The following PLK2 variants were observed in gnomAD, a reference collection of about 807,000 sequenced individuals.
The protein encoded by PLK2 is serine/threonine-protein kinase PLK2.
A neutral mutation model predicts 78.1 loss-of-function variants in PLK2; 25 were observed. The ratio of observed to expected loss-of-function variants is 0.32; its 90% CI spans 0.23 to 0.45. The LOEUF (loss-of-function observed/expected upper bound fraction) is 0.45, where lower values mean the gene tolerates loss of function less well. PLK2 is among the 20% of genes least tolerant of loss of function. PLK2 has a pLI of 1.00. For missense variants in PLK2, 566 were observed against 840.2 expected, an observed-to-expected ratio of 0.67 and a Z score of 4.04; for synonymous variants, 332 against 298.2, an observed-to-expected ratio of 1.11 and a Z score of -1.17.
At chr5:58,459,626 C>A (rs1393464444) in intron 1 of PLK2, 64 bp downstream of exon 1, 3 of 1,401,300 alleles carry the variant, frequency 2.1e-6, no homozygotes, top group East Asian at 2.5e-5. Flanking sequence ...CGGGCTTGCC[C>A]GGCTTGGGGT....
In PLK2 at chr5:58,455,523, T is replaced by G. The variant is rs182178257; in HGVS notation, c.1625+16A>C. ...GACTAGAGAACTGACAGGATTTCAT[T>G]AATTGATACACTTACTTTTTGTCTG... On this transcript the variant is annotated intron_variant, in intron 11 of 13. Coordinates refer to ENST00000274289, the MANE Select transcript of PLK2 (RefSeq NM_006622.4). 1 of 1,613,776 alleles carries G rather than the reference T, an allele frequency of 6.2e-7. No homozygotes were observed. Among genetic ancestry groups the G allele is most frequent in the East Asian group, 2.2e-5 (1 of 44,880 alleles).
chr5:58,458,381 T>C lies in PLK2; in HGVS notation c.625+18A>G. On this transcript the variant is annotated intron_variant, in intron 4 of 13. Transcript: ENST00000274289. Reference sequence around the variant, plus strand: ...AGAACTCTAACACAAAACTCAGCTTTTGGCGTCAATGACTTACCTAGTTTG... The same window carrying C: ...AGAACTCTAACACAAAACTCAGCTTCTGGCGTCAATGACTTACCTAGTTTG... The C allele has an allele frequency of 6.2e-7, 1 of 1,613,224 alleles. No homozygotes were observed. Among genetic ancestry groups the C allele is most frequent in the Non-Finnish European group, 8.5e-7 (1 of 1,179,194 alleles).
chr5:58,458,937 G>T, intron 2 of PLK2, 48 bp downstream of exon 2: 1 of 1,333,692 alleles, frequency 7.5e-7, no homozygotes, highest in Non-Finnish European at 1.1e-6. Flanking sequence ...ACAGGGAAGG[G>T]CCATCCTTGC....
In PLK2 at chr5:58,459,675, C is replaced by T; in HGVS notation, c.270+15G>A. 6.5e-7 allele frequency: 1 copy of T among 1,544,410 alleles called. No homozygotes were observed. The highest frequency in any genetic ancestry group is 1.2e-5 in the South Asian group (1 of 82,550). On this transcript the variant is annotated intron_variant, in intron 1 of 13. Transcript: ENST00000274289. ...CTCCCGCCCGCCCGGCAGCCCGGCG[C>T]CCTCCGCTTGTCACCTTTCCCAGCA...
chr5:58,458,748 G>A lies in PLK2; in HGVS notation c.472C>T (p.Leu158Phe), dbSNP rs751788063. The A allele has an allele frequency of 5.7e-6, 9 of 1,570,374 alleles. No homozygotes were observed. Among genetic ancestry groups the A allele is most frequent in the Non-Finnish European group, 7.9e-6 (9 of 1,140,292 alleles). Residue 158 changes from leucine to phenylalanine, a missense_variant, in exon 3 of 14, where the codon CTC becomes TTC. Leu to Phe is a conservative substitution (Grantham distance 22). Coordinates refer to ENST00000274289, the MANE Select transcript of PLK2 (RefSeq NM_006622.4). ...YFEDKENIYI[L>F]LEYCSRRSMA... ...ACCCTTCTACTGCAGTATTCCAAGA[G>A]AATGTAAATGTTTTCTTTGTCCTCG...
In PLK2 at chr5:58,455,749, G is replaced by C. The variant is rs1368029447; in HGVS notation, c.1415C>G (p.Ala472Gly). The change falls in exon 11 of 14, where the codon GCA (alanine) becomes GGA (glycine). Residue 472 changes from alanine to glycine, a missense_variant. Transcript: ENST00000274289. ...CCGAAGAACCCTTGCCACTGTGTCT[G>C]CAACACTTCCCATGGTACTGTCTTC... is the stretch of plus-strand genomic sequence containing the variant. ...CLEDSTMGSV[A>G]DTVARVLRGC... The C allele has an allele frequency of 6.2e-7, 1 of 1,613,736 alleles. No individual in the cohort carries two copies. The highest frequency in any genetic ancestry group is 8.5e-7 in the Non-Finnish European group (1 of 1,179,934).
Position 58,455,004 on chromosome 5 carries a change from A to G in PLK2, c.1773T>C (p.Ser591=). ...ENLMDGGDLP[S]VTDIRRPRLY... ...GCCGAGGTCTTCGAATATCAGTAAC[A>G]CTAGGCAGATCTCCACCCTGGAAGA... The change falls in exon 13 of 14, where the codon AGT becomes AGC. Residue 591 remains serine (S), a synonymous_variant. Coordinates refer to ENST00000274289, the MANE Select transcript of PLK2 (RefSeq NM_006622.4). 1.9e-6 allele frequency: 3 copies of G among 1,606,466 alleles called. No individual in the cohort carries two copies. Among genetic ancestry groups the G allele is most frequent in the Non-Finnish European group, 2.6e-6 (3 of 1,173,074 alleles).
At chr5:58,457,778 T>TA (rs973210484) in intron 5 of PLK2, 195 bp from the exon 6 acceptor site, 3 of 592,854 alleles carry the variant, frequency 5.1e-6, no homozygotes, top group Admixed American at 6.1e-5. Flanking sequence ...TGGTAATTTT[T>TA]AAAAATGCAC....
In PLK2 at chr5:58,455,792, A is replaced by C; in HGVS notation, c.1385-13T>G. ...CTGTCTTCAAGGCCTGAAAAGTCAG[A>C]CAGAAATGTTTCAAGTTATACAATA... is the stretch of plus-strand genomic sequence containing the variant. On this transcript the variant is annotated splice_polypyrimidine_tract_variant and intron_variant, in intron 10 of 13. Transcript: ENST00000274289. 6.2e-7 allele frequency: 1 copy of C among 1,611,362 alleles called. No homozygotes were observed. Among genetic ancestry groups the C allele is most frequent in the Non-Finnish European group, 8.5e-7 (1 of 1,179,814 alleles).
chr5:58,456,459 CGTGA>C (rs772001656), intron 9 of PLK2, 29 bp downstream of exon 9: 5 of 1,198,426 alleles, frequency 4.2e-6, no homozygotes, highest in Non-Finnish European at 6.2e-6. Flanking sequence ...TAACGTAAAG[CGTGA>C]GTATCTACTT....
chr5:58,458,094 G>T lies in PLK2; in HGVS notation c.703C>A (p.His235Asn). ...CTTTCTGACTCTTACCTCCTTCTGT[G>T]TTCCAAGGGTTCTAGCCTGGCTGCC... ...GLAARLEPLE[H>N]RRRTICGTPN... Residue 235 changes from histidine (H) to asparagine (N), a missense_variant, in exon 5 of 14, where the codon CAC (histidine) becomes AAC (asparagine). His to Asn is a moderately conservative substitution (Grantham distance 68, BLOSUM62 1). Around this residue, in one of 5 missense-constraint regions of PLK2, gnomAD observed 179 missense variants for 342.3 expected, o/e 0.52. Coordinates refer to ENST00000274289, the MANE Select transcript of PLK2 (RefSeq NM_006622.4). The T allele has an allele frequency of 1.2e-6, 2 of 1,610,440 alleles. No individual in the cohort carries two copies. The highest frequency in any genetic ancestry group is 4.5e-5 in the East Asian group (2 of 44,870).
rs3211270 is a variant in PLK2, at chr5:58,459,876, C to T, written c.84G>A (p.Ala28=). ...CEQALGKGCG[A]DSKKKRPPQP... The stretch of plus-strand genomic sequence containing the variant: ...GCGGCGGCCGCTTCTTCTTCGAGTC[C>T]GCTCCGCAACCCTTGCCCAGCGCCT... The change falls in exon 1 of 14, where the codon GCG becomes GCA. Residue 28 remains alanine, a synonymous_variant. Coordinates refer to ENST00000274289, the MANE Select transcript of PLK2 (RefSeq NM_006622.4). The T allele has an allele frequency of 0.35, 562,577 of 1,610,846 alleles. 101,435 individuals carry two copies. Among genetic ancestry groups the T allele is most frequent in the East Asian group, 0.56 (25,165 of 44,834 alleles).
chr5:58,458,731 A>T lies in PLK2; in HGVS notation c.489T>A (p.Ser163Arg). Residue 163 changes from serine to arginine, a missense_variant, in exon 3 of 14, where the codon AGT becomes AGA. Physicochemically the swap from Ser to Arg is moderately radical, Grantham distance 110. Coordinates refer to ENST00000274289, the MANE Select transcript of PLK2 (RefSeq NM_006622.4). The part of the protein sequence containing the change: ...ENIYILLEYC[S>R]RRSMAHILKA... ...AATAGGAGTTGACACTTACCCTTCTACTGCAGTATTCCAAGAGAATGTAAA... is the reference window on the plus strand; with the variant it reads ...AATAGGAGTTGACACTTACCCTTCTTCTGCAGTATTCCAAGAGAATGTAAA... 6.8e-7 allele frequency: 1 copy of T among 1,468,864 alleles called. No individual in the cohort carries two copies. The allele number at this position is 1,468,864 out of a possible 1,614,324, so 91.0% of individuals were successfully genotyped here.
chr5:58,459,741 G>A lies in PLK2; in HGVS notation c.219C>T (p.Ile73=), dbSNP rs1362385734. ...AGCGCTTCCCAGTCGTGGGGTCGAC[G>A]ATAATCCGCGAGATCTCCGGCCCCG... is the stretch of plus-strand genomic sequence containing the variant. ...SHSGPEISRI[I]VDPTTGKRYC... The change falls in exon 1 of 14, where the codon ATC becomes ATT. Residue 73 remains isoleucine, a synonymous_variant. Coordinates refer to ENST00000274289, the MANE Select transcript of PLK2 (RefSeq NM_006622.4). The A allele has an allele frequency of 1.2e-6, 2 of 1,606,530 alleles. No homozygotes were observed. The highest frequency in any genetic ancestry group is 2.2e-5 in the East Asian group (1 of 44,800).
At chr5:58,456,812 G>A (rs1362225510) in intron 8 of PLK2, 133 bp downstream of exon 8, 1 of 653,290 alleles carries the variant, frequency 1.5e-6, no homozygotes, top group Non-Finnish European at 2.6e-6. Flanking sequence ...GATTTATTAT[G>A]CTATAAATAT....
Position 58,458,532 on chromosome 5 carries a change from A to C in PLK2, c.496-4T>G. On this transcript the variant is annotated splice_polypyrimidine_tract_variant and splice_region_variant and intron_variant, in intron 3 of 13. Transcript: ENST00000274289. ...CTTTCAAAATATGAGCCATTGACTA[A>C]GAAGAGGAGAAGGAAAAAAGAGAAT... 6.2e-7 allele frequency: 1 copy of C among 1,603,474 alleles called. No individual in the cohort carries two copies. Among genetic ancestry groups the C allele is most frequent in the South Asian group, 1.1e-5 (1 of 88,558 alleles).
At position 58,456,381 on chromosome 5, in the gene PLK2, TTAAG is replaced by T. The variant is rs780958468; in HGVS notation, c.1254+107_1254+110del. 85 of 855,356 alleles carry T rather than the reference TTAAG, an allele frequency of 9.9e-5. 1 individual carries two copies. The Middle Eastern group carries it at 6.7e-3, about 67-fold the overall frequency. The allele number at this position is 855,356 out of a possible 1,614,324, so 53.0% of individuals were successfully genotyped here. A position where few individuals can be genotyped will look rare whatever the true frequency, so the allele number is the denominator to read the frequency against. ...CTTTCAAAGGGTTTGAAGAAAAACT[TTAAG>T]TAAATATGACATATTTGAACCATGA... On this transcript the variant is annotated intron_variant, in intron 9 of 13. Coordinates refer to ENST00000274289, the MANE Select transcript of PLK2 (RefSeq NM_006622.4).
intron 13 of PLK2, 39 bp from the exon 14 acceptor site, chr5:58,454,813 T>G: frequency 6.5e-7 from 1 of 1,535,912 alleles, no homozygotes; most frequent in Non-Finnish European, 9.0e-7. Context: ...TCTCAAAATA[T>G]TCGAGAATTA....
chr5:58,454,458 A>T lies in PLK2; in HGVS notation c.*125T>A. 1.4e-6 allele frequency: 1 copy of T among 690,496 alleles called. No homozygotes were observed. The highest frequency in any genetic ancestry group is 2.5e-6 in the Non-Finnish European group (1 of 403,010). 42.8% of individuals were successfully genotyped at this position (690,496 alleles called of 1,614,324 possible). Reference sequence around the variant, plus strand: ...GGTTCCAACCAGTCCAGCAGGCCACAGGGGAATTGTTTTCGTACCACCACA... The same window carrying T: ...GGTTCCAACCAGTCCAGCAGGCCACTGGGGAATTGTTTTCGTACCACCACA... On this transcript the variant is annotated 3_prime_UTR_variant, in exon 14 of 14. Transcript: ENST00000274289.
Sources: allele counts gnomAD v4.1 joint callset, GRCh38; gene constraint gnomAD v4.1.1; regional missense constraint gnomAD v4.1.1; transcripts MANE v1.5; gene names NCBI Gene and HGNC (gene_info 2026-07-23, HGNC 2026-07-21).